Variants in SYNPO2 observed in about 807,000 individuals in gnomAD.
SYNPO2 encodes the protein synaptopodin-2.
SYNPO2 carries 56 observed loss-of-function variants against 85.0 expected under a neutral mutation model. That is an observed-to-expected ratio of 0.66 (90% CI 0.53 to 0.82). The LOEUF is 0.82. Ranked by LOEUF, SYNPO2 falls within the 40% of genes least tolerant of loss-of-function variation. The pLI is 0.00. For synonymous variants in SYNPO2, 602 were observed against 591.1 expected, an observed-to-expected ratio of 1.02 and a Z score of -0.27; for missense variants, 1,575 against 1,534.2, an observed-to-expected ratio of 1.03 and a Z score of -0.44.
rs1560874410 is a variant in SYNPO2, at chr4:118,927,760, TATATA to T, written c.105+38620_105+38624del. On this transcript the variant is annotated intron_variant, in intron 1 of 4. Coordinates refer to ENST00000307142, the MANE Select transcript of SYNPO2 (RefSeq NM_133477.3). ...GATAGATAGATAGATGATAGATAGA[TATATA>T]GATAGATAGATGATAGATAGATAGA... 8.9e-3 allele frequency among the ~76,000 whole-genome samples: 1,077 copies of T among 120,548 alleles called. 13 individuals carry two copies. Among genetic ancestry groups the T allele is most frequent in the African/African-American group, 0.021 (679 of 32,352 alleles). 79.1% of individuals were successfully genotyped at this position (120,548 alleles called of 152,430 possible).
chr4:119,027,964 G>A (rs1470248073), intron 3 of SYNPO2, among the ~76,000 whole-genome samples: 3 of 152,172 alleles, frequency 2.0e-5, no homozygotes, highest in Admixed American at 2.0e-4. Context: ...TGTATACTGA[G>A]CAGTTACATG....
chr4:119,051,328 T>C (rs912578663), intron 4 of SYNPO2, among the ~76,000 whole-genome samples: 4 of 145,410 alleles, frequency 2.8e-5, no homozygotes, highest in African/African-American at 1.0e-4. Context: ...TAGCTGGGAC[T>C]ACAAGCGCCC....
intron 1 of SYNPO2, among the ~76,000 whole-genome samples, chr4:118,907,677 A>G (rs1439979716): frequency 2.6e-5 from 4 of 152,212 alleles, no homozygotes; most frequent in Non-Finnish European, 5.9e-5. Context: ...TAAAATAACT[A>G]GAATTGAAAA....
Position 119,014,545 on chromosome 4 carries a change from T to C in SYNPO2, c.106-8885T>C, listed in dbSNP as rs149235681. On this transcript the variant is annotated intron_variant, in intron 1 of 4. Transcript: ENST00000307142. ...ATGTTAACATGCAGTAGGTTTGCTATTTTAAATTTAATAAAAATTTAAAAT... is the reference window on the plus strand; with the variant it reads ...ATGTTAACATGCAGTAGGTTTGCTACTTTAAATTTAATAAAAATTTAAAAT... Among the ~76,000 whole-genome samples the C allele has an allele frequency of 6.4e-3, 981 of 152,372 alleles. 22 individuals carry two copies. The highest frequency in any genetic ancestry group is 0.048 in the Admixed American group (729 of 15,308).
intron 1 of SYNPO2, among the ~76,000 whole-genome samples, chr4:118,922,286 C>T (rs962930496): frequency 1.5e-4 from 23 of 151,886 alleles, no homozygotes; most frequent in African/African-American, 5.6e-4. Context: ...AGTAGATGTA[C>T]GTCTGCATGA....
chr4:119,033,980 G>C, intron 4 of SYNPO2: 3 of 985,326 alleles, frequency 3.0e-6, no homozygotes, highest in Non-Finnish European at 3.6e-6. Flanking sequence ...CATTGCTTTT[G>C]GTGGAAATTT....
At chr4:119,032,103 T>A (rs1365796673) in intron 4 of SYNPO2, 76 bp downstream of exon 4, 2 of 1,557,812 alleles carry the variant, frequency 1.3e-6, no homozygotes, top group Non-Finnish European at 1.7e-6. Flanking sequence ...AATGAATTGT[T>A]TGCAGTGTTT....
intron 1 of SYNPO2, among the ~76,000 whole-genome samples, chr4:118,931,358 T>G (rs1254708007): frequency 6.6e-6 from 1 of 152,198 alleles, no homozygotes; most frequent in Non-Finnish European, 1.5e-5. Context: ...ACTATTATAC[T>G]ACTGACATTT....
intron 1 of SYNPO2, among the ~76,000 whole-genome samples, chr4:118,952,930 A>G (rs1009242425): frequency 6.6e-6 from 1 of 152,192 alleles, no homozygotes; most frequent in Non-Finnish European, 1.5e-5. Flanking sequence ...CAGAGAGATA[A>G]TTTTTAAAAA....
At chr4:118,914,020 G>A (rs1412181588) in intron 1 of SYNPO2, among the ~76,000 whole-genome samples, 5 of 151,994 alleles carry the variant, frequency 3.3e-5, no homozygotes, top group South Asian at 2.1e-4. Context: ...TCTAGATCAC[G>A]CCCATAGCAC....
At chr4:118,959,825 C>T (rs149565573) in intron 1 of SYNPO2, among the ~76,000 whole-genome samples, 5 of 107,596 alleles carry the variant, frequency 4.6e-5, no homozygotes, top group African/African-American at 1.4e-4. Context: ...TACTGTCTCC[C>T]TCGGTGTAGT....
In SYNPO2 at chr4:119,030,573, G is replaced by T. The variant is rs368294065; in HGVS notation, c.1798G>T (p.Ala600Ser). The change falls in exon 4 of 5, where the codon GCT (alanine) becomes TCT (serine). Residue 600 changes from alanine to serine, a missense_variant. By Grantham distance (99) the Ala-to-Ser change is moderately conservative (BLOSUM62 1). Coordinates refer to ENST00000307142, the MANE Select transcript of SYNPO2 (RefSeq NM_133477.3). The stretch of plus-strand genomic sequence containing the variant: ...CTTCCCAGGGTCTGTGAATCAGCCA[G>T]CTACCCCCTTCTCGCCAACCCGAAA... ...KPFPGSVNQP[A>S]TPFSPTRNMT... 43 of 1,614,136 alleles carry T rather than the reference G, an allele frequency of 2.7e-5. No homozygotes were observed. The African/African-American group carries it at 4.4e-4, about 17-fold the overall frequency.
upstream of SYNPO2, among the ~76,000 whole-genome samples, chr4:118,888,208 T>C (rs543018508): frequency 6.6e-6 from 1 of 152,330 alleles, no homozygotes; most frequent in South Asian, 2.1e-4. Context: ...CCCAAAACTA[T>C]GCAATAGATG....
intron 1 of SYNPO2, among the ~76,000 whole-genome samples, chr4:118,957,583 A>G (rs985338087): frequency 2.6e-5 from 4 of 152,214 alleles, no homozygotes; most frequent in South Asian, 2.1e-4. Flanking sequence ...CACTAAATAC[A>G]TGGTAGCTAC....
intron 1 of SYNPO2, among the ~76,000 whole-genome samples, chr4:118,857,440 C>T (rs1480588042): frequency 6.6e-6 from 1 of 152,066 alleles, no homozygotes; most frequent in East Asian, 1.9e-4. Context: ...ATGATAACCT[C>T]AAAGGCTAGC....
chr4:118,965,271 T>C (rs1166727864), intron 1 of SYNPO2, among the ~76,000 whole-genome samples: 2 of 152,028 alleles, frequency 1.3e-5, no homozygotes, highest in Non-Finnish European at 2.9e-5. Flanking sequence ...TATGAGTCCA[T>C]TTGCCAGCAC....
At chr4:118,872,853 C>T (rs1354289630) in intron 1 of SYNPO2, among the ~76,000 whole-genome samples, 1 of 149,838 alleles carries the variant, frequency 6.7e-6, no homozygotes, top group Admixed American at 6.6e-5. Context: ...TCTCCATTAT[C>T]TATCATTCCA....
At chr4:118,914,015 A>G (rs1733227786) in intron 1 of SYNPO2, among the ~76,000 whole-genome samples, 1 of 152,080 alleles carries the variant, frequency 6.6e-6, no homozygotes, top group African/African-American at 2.4e-5. Flanking sequence ...AGGATTCTAG[A>G]TCACGCCCAT....
intron 1 of SYNPO2, among the ~76,000 whole-genome samples, chr4:118,931,037 A>G (rs1437190003): frequency 6.6e-6 from 1 of 152,128 alleles, no homozygotes; most frequent in South Asian, 2.1e-4. Context: ...AAGGATTTAA[A>G]TGAGTGCTAT....
Sources: gnomAD v4.1 joint callset for allele counts (sites outside exome capture counted in the v4.1 genomes callset) on GRCh38, gnomAD v4.1.1 for gene constraint, MANE v1.5 for transcripts, NCBI Gene and HGNC (gene_info 2026-07-23, HGNC 2026-07-21) for gene names.